TGFBR3: variants seen among roughly 807,000 people sequenced by gnomAD.
The protein encoded by TGFBR3 is transforming growth factor beta receptor type 3.
In TGFBR3, 46 loss-of-function variants were observed where a neutral mutation model predicts 87.9. The observed-to-expected ratio is 0.52, with a 90% CI of 0.41 to 0.67. The LOEUF is 0.67. TGFBR3 is among the 30% of genes least tolerant of loss of function. The probability of loss-of-function intolerance (pLI) is 0.00; values close to 1 mark genes in which losing one functional copy is unlikely to be tolerated. For missense variants in TGFBR3, 866 were observed against 1,041.9 expected, an observed-to-expected ratio of 0.83 and a Z score of 2.32; for synonymous variants, 381 against 391.6, an observed-to-expected ratio of 0.97 and a Z score of 0.32.
At chr1:91,875,780 CG>C (rs1204497451) in intron 1 of TGFBR3, among the ~76,000 whole-genome samples, 1,397 of 6,844 alleles carry the variant, frequency 0.2, 301 homozygotes, top group African/African-American at 0.51. Context: ...CCCAGCTACT[CG>C]GGCGGGGGGG....
At chr1:91,724,559 A>T (rs1377958126) in intron 7 of TGFBR3, among the ~76,000 whole-genome samples, 1 of 152,190 alleles carries the variant, frequency 6.6e-6, no homozygotes, top group Non-Finnish European at 1.5e-5. Flanking sequence ...TAAATCTAGG[A>T]GCTGTCAATA....
At chr1:91,715,905 T>C (rs1017115838) in intron 12 of TGFBR3, among the ~76,000 whole-genome samples, 1 of 151,736 alleles carries the variant, frequency 6.6e-6, no homozygotes, top group Non-Finnish European at 1.5e-5. Context: ...AAATATTCCA[T>C]GGTTAACTCT....
chr1:91,722,172 T>G (rs757587999), intron 7 of TGFBR3, 28 bp from the exon 8 acceptor site: 7 of 1,595,766 alleles, frequency 4.4e-6, no homozygotes, highest in Non-Finnish European at 5.2e-6. Context: ...AAATCACTCA[T>G]GAGTCTAAAA....
rs545733849 is a variant in TGFBR3 at position 91,755,333 on chromosome 1, G to C, written c.384+3280C>G. On this transcript the variant is annotated intron_variant, in intron 4 of 16. Coordinates refer to ENST00000212355, the MANE Select transcript of TGFBR3 (RefSeq NM_003243.5). ...GAAGGGAAAAGCCTGCCCAAGGAGA[G>C]TGGCCCAGCTTGTGCAAGGACTTGC... Among the ~76,000 whole-genome samples, 100 of 152,208 alleles carry C rather than the reference G, an allele frequency of 6.6e-4. 2 individuals are homozygous for C. Among genetic ancestry groups the C allele is most frequent in the African/African-American group, 1.9e-3 (78 of 41,536 alleles).
intron 14 of TGFBR3, among the ~76,000 whole-genome samples, chr1:91,698,931 C>T (rs1671522228): frequency 6.6e-6 from 1 of 151,954 alleles, no homozygotes; most frequent in South Asian, 2.1e-4. Context: ...ACAGAGGCCC[C>T]CTTATCTCCA....
chr1:91,859,856 C>T (rs1473111758), intron 2 of TGFBR3, among the ~76,000 whole-genome samples: 3 of 150,550 alleles, frequency 2.0e-5, no homozygotes, highest in African/African-American at 7.4e-5. Flanking sequence ...TTGCAGTGAG[C>T]CGAGATCACA....
chr1:91,866,878 G>C (rs1369627380), intron 1 of TGFBR3: 1 of 152,278 alleles, frequency 6.6e-6, no homozygotes, highest in Non-Finnish European at 1.5e-5. Context: ...AGTTCAAGGA[G>C]GGGTTTAAAC....
rs187560291 is a variant in TGFBR3, at chr1:91,795,028, A to G, written c.246+2259T>C. ...AATCCTTATACACACCCATCTTACC[A>G]ACCACAAACAATCTTTCATTCTCTC... On this transcript the variant is annotated intron_variant, in intron 3 of 16. Coordinates refer to ENST00000212355, the MANE Select transcript of TGFBR3 (RefSeq NM_003243.5). Among the ~76,000 whole-genome samples the G allele has an allele frequency of 4.5e-3, 678 of 152,330 alleles. 4 individuals are homozygous for G. The highest frequency in any genetic ancestry group is 0.016 in the African/African-American group (659 of 41,570).
chr1:91,884,815 A>C (rs1190038920), intron 1 of TGFBR3, among the ~76,000 whole-genome samples: 1 of 152,264 alleles, frequency 6.6e-6, no homozygotes, highest in Non-Finnish European at 1.5e-5. Context: ...CTCTGCATTC[A>C]GGAAGAAGAA....
intron 4 of TGFBR3, among the ~76,000 whole-genome samples, chr1:91,756,039 T>C (rs1673730577): frequency 6.6e-6 from 1 of 152,326 alleles, no homozygotes. Flanking sequence ...ATGCAGGGCC[T>C]GAGAAAAATC....
intron 4 of TGFBR3, among the ~76,000 whole-genome samples, chr1:91,738,316 T>C (rs1342350852): frequency 6.6e-6 from 1 of 152,212 alleles, no homozygotes; most frequent in African/African-American, 2.4e-5. Context: ...TTGATATAGT[T>C]TGCATATTTG....
chr1:91,739,233 AG>A (rs1484169381), intron 4 of TGFBR3, among the ~76,000 whole-genome samples: 1 of 152,116 alleles, frequency 6.6e-6, no homozygotes, highest in African/African-American at 2.4e-5. Context: ...GACAAAAAGC[AG>A]GAGATCATTA....
At chr1:91,730,871 C>T (rs775861993) in intron 5 of TGFBR3, among the ~76,000 whole-genome samples, 6 of 152,246 alleles carry the variant, frequency 3.9e-5, no homozygotes, top group East Asian at 1.9e-4. Context: ...AAAGTGCTTT[C>T]GCAAACATTA....
At chr1:91,721,251 A>T (rs1672358776) in intron 8 of TGFBR3, among the ~76,000 whole-genome samples, 2 of 152,334 alleles carry the variant, frequency 1.3e-5, no homozygotes, top group South Asian at 4.1e-4. Flanking sequence ...AACCTTCACA[A>T]CAACCCTGTA....
intron 2 of TGFBR3, among the ~76,000 whole-genome samples, chr1:91,812,437 A>G (rs185535880): frequency 1.3e-5 from 2 of 152,346 alleles, no homozygotes; most frequent in East Asian, 3.9e-4. Context: ...AATGTACTAC[A>G]TGCATAATTT....
At chr1:91,717,156 T>C (rs899518544) in intron 10 of TGFBR3, among the ~76,000 whole-genome samples, 18 of 152,112 alleles carry the variant, frequency 1.2e-4, no homozygotes, top group Admixed American at 1.2e-3. Context: ...TGGTTATATA[T>C]ATCCTTTAAG....
At chr1:91,770,825 T>A (rs530002365) in intron 3 of TGFBR3, 1 of 152,206 alleles carries the variant, frequency 6.6e-6, no homozygotes, top group African/African-American at 2.4e-5. Flanking sequence ...AACCATGTGA[T>A]GTGTACACAT....
intron 2 of TGFBR3, among the ~76,000 whole-genome samples, chr1:91,819,743 C>A (rs2101057502): frequency 6.6e-6 from 1 of 152,330 alleles, no homozygotes; most frequent in Middle Eastern, 3.4e-3. Flanking sequence ...CCACCCCCTC[C>A]CTCCCCTAAA....
intron 12 of TGFBR3, among the ~76,000 whole-genome samples, chr1:91,715,148 A>T (rs1477868299): frequency 6.6e-6 from 1 of 152,216 alleles, no homozygotes; most frequent in African/African-American, 2.4e-5. Flanking sequence ...CCAACAGATG[A>T]TATGCCCACT....
Sources: allele counts gnomAD v4.1 joint callset (sites outside exome capture counted in the v4.1 genomes callset), GRCh38; gene constraint gnomAD v4.1.1; transcripts MANE v1.5; gene names NCBI Gene and HGNC (gene_info 2026-07-23, HGNC 2026-07-21).